The following DACH1 variants were observed in gnomAD, a reference collection of about 807,000 sequenced individuals.
DACH1 encodes the protein dachshund family transcription factor 1, also known as dachshund homolog 1.
A neutral mutation model predicts 54.2 loss-of-function variants in DACH1; 12 were observed. That is an observed-to-expected ratio of 0.22 (90% CI 0.14 to 0.36). DACH1 has a LOEUF of 0.36. Ranked by LOEUF, DACH1 falls within the 10% of genes least tolerant of loss-of-function variation. DACH1 has a pLI of 1.00. For synonymous variants in DACH1, 386 were observed against 366.2 expected, an observed-to-expected ratio of 1.05 and a Z score of -0.62; for missense variants, 805 against 929.8, an observed-to-expected ratio of 0.87 and a Z score of 1.75.
intron 1 of DACH1, among the ~76,000 whole-genome samples, chr13:71,842,865 G>A (rs768920963): frequency 3.3e-5 from 5 of 152,140 alleles, no homozygotes; most frequent in African/African-American, 4.8e-5. Flanking sequence ...CTATTCTTCT[G>A]ACTTGTCAAT....
At position 71,453,587 on chromosome 13, in the gene DACH1, A is replaced by C. The variant is rs193044662; in HGVS notation, c.2084-12895T>G. Among the ~76,000 whole-genome samples, 178 of 152,238 alleles carry C rather than the reference A, an allele frequency of 1.2e-3. 1 individual carries two copies. The highest frequency in any genetic ancestry group is 3.4e-3 in the African/African-American group (141 of 41,544). ...TTCTTCTAAGTTTGGAAGAAAAAAA[A>C]CTCATCATCTGGCTTTTAAAAGTTC... is the stretch of plus-strand genomic sequence containing the variant. On this transcript the variant is annotated intron_variant, in intron 10 of 10. Coordinates refer to ENST00000613252, the MANE Select transcript of DACH1 (RefSeq NM_080759.6).
At position 71,780,577 on chromosome 13, in the gene DACH1, C is replaced by T. The variant is rs74486149; in HGVS notation, c.848+85345G>A. 4.2e-3 allele frequency among the ~76,000 whole-genome samples: 639 copies of T among 151,114 alleles called. 1 individual carries two copies. Among genetic ancestry groups the T allele is most frequent in the African/African-American group, 0.015 (615 of 41,072 alleles). On this transcript the variant is annotated intron_variant, in intron 1 of 10. Transcript: ENST00000613252. The stretch of plus-strand genomic sequence containing the variant: ...AAAATCTACTCTTGAACCTGGGAGA[C>T]GGAGGTTGCAGTGAGCCAAGACTAC...
At chr13:71,479,887 T>C (rs572965954) in intron 7 of DACH1, among the ~76,000 whole-genome samples, 1 of 152,164 alleles carries the variant, frequency 6.6e-6, no homozygotes, top group Non-Finnish European at 1.5e-5. Flanking sequence ...GATCTTTGCA[T>C]GGCTCACACC....
intron 1 of DACH1, among the ~76,000 whole-genome samples, chr13:71,836,815 G>A (rs554788195): frequency 5.3e-4 from 81 of 151,884 alleles, no homozygotes; most frequent in African/African-American, 1.8e-3. Flanking sequence ...TATTTTTAAC[G>A]TAATTTGCTT....
intron 3 of DACH1, among the ~76,000 whole-genome samples, chr13:71,630,192 G>A (rs540965929): frequency 8.5e-5 from 13 of 152,142 alleles, no homozygotes; most frequent in Admixed American, 3.3e-4. Flanking sequence ...TGGATTAAAA[G>A]AATAAAAAAG....
chr13:71,464,534 CAAAG>C (rs1256756787), intron 10 of DACH1: 1 of 403,738 alleles, frequency 2.5e-6, no homozygotes, highest in South Asian at 1.9e-5. Flanking sequence ...TTAAATAAAA[CAAAG>C]AGATTTTTTG....
At chr13:71,618,052 T>C (rs1356211285) in intron 3 of DACH1, among the ~76,000 whole-genome samples, 1 of 152,124 alleles carries the variant, frequency 6.6e-6, no homozygotes, top group African/African-American at 2.4e-5. Context: ...TATTAATATA[T>C]CTAAAATGCA....
At chr13:71,499,435 G>A (rs887852343) in intron 6 of DACH1, among the ~76,000 whole-genome samples, 6 of 152,096 alleles carry the variant, frequency 3.9e-5, no homozygotes, top group African/African-American at 1.4e-4. Context: ...AGAGCACAAC[G>A]GAAACAATCA....
intron 6 of DACH1, among the ~76,000 whole-genome samples, chr13:71,548,570 A>T (rs1284181517): frequency 6.6e-6 from 1 of 152,188 alleles, no homozygotes; most frequent in East Asian, 1.9e-4. Flanking sequence ...TGTGCAAAAT[A>T]AAAACATCTT....
At chr13:71,488,684 C>T (rs1257842144) in intron 7 of DACH1, among the ~76,000 whole-genome samples, 1 of 151,474 alleles carries the variant, frequency 6.6e-6, no homozygotes, top group Non-Finnish European at 1.5e-5. Context: ...CAAACTTAAA[C>T]AGTTAAATTC....
At chr13:71,623,937 T>C (rs781267440) in intron 3 of DACH1, among the ~76,000 whole-genome samples, 2 of 151,856 alleles carry the variant, frequency 1.3e-5, no homozygotes, top group African/African-American at 2.4e-5. Context: ...AATTAGCCAT[T>C]TATCCTTTAG....
chr13:71,700,417 G>C (rs1248702927), intron 1 of DACH1, among the ~76,000 whole-genome samples: 1 of 151,818 alleles, frequency 6.6e-6, no homozygotes, highest in East Asian at 1.9e-4. Flanking sequence ...TTAGCCGGGG[G>C]TGGTGACGCA....
At chr13:71,618,159 T>A (rs550125838) in intron 3 of DACH1, among the ~76,000 whole-genome samples, 1 of 152,240 alleles carries the variant, frequency 6.6e-6, no homozygotes, top group South Asian at 2.1e-4. Flanking sequence ...CCCTTGCTCA[T>A]CCATAACTTT....
chr13:71,639,965 T>C (rs1365285535), intron 2 of DACH1, among the ~76,000 whole-genome samples: 3 of 152,064 alleles, frequency 2.0e-5, no homozygotes, highest in Admixed American at 1.3e-4. Flanking sequence ...CTTAAACTTA[T>C]AAAACTTGGG....
chr13:71,581,842 C>G (rs1872876718), intron 3 of DACH1, among the ~76,000 whole-genome samples: 1 of 151,894 alleles, frequency 6.6e-6, no homozygotes, highest in South Asian at 2.1e-4. Context: ...TCTGAATTCA[C>G]AATCCAAGCT....
chr13:71,837,517 G>A (rs984954645), intron 1 of DACH1, among the ~76,000 whole-genome samples: 2 of 152,124 alleles, frequency 1.3e-5, no homozygotes, highest in Non-Finnish European at 2.9e-5. Context: ...TAGGTAGAAG[G>A]TATAGATAGT....
intron 1 of DACH1, among the ~76,000 whole-genome samples, chr13:71,691,690 G>C (rs1181686804): frequency 6.6e-6 from 1 of 152,206 alleles, no homozygotes; most frequent in East Asian, 1.9e-4. Context: ...CACTGTAGCA[G>C]ATTTGCATGT....
intron 1 of DACH1, among the ~76,000 whole-genome samples, chr13:71,791,594 G>C (rs1886835641): frequency 6.6e-6 from 1 of 152,158 alleles, no homozygotes. Context: ...ATGTTGGCCA[G>C]AGTGGTCTCC....
Position 71,438,882 on chromosome 13 carries a change from T to A in DACH1, c.*1773A>T, listed in dbSNP as rs976831968. On this transcript the variant is annotated 3_prime_UTR_variant, in exon 11 of 11. Transcript: ENST00000613252. The stretch of plus-strand genomic sequence containing the variant: ...AATCATTTACTAGCAATACTTTAAA[T>A]AAAAATAATGCTCCCTTTGTAAGCA... 33 of 152,386 alleles carry A rather than the reference T, an allele frequency of 2.2e-4. No individual in the cohort carries two copies. The highest frequency in any genetic ancestry group is 3.2e-4 in the Non-Finnish European group (22 of 67,878). 9.4% of individuals were successfully genotyped at this position (152,386 alleles called of 1,614,324 possible).
Sources: gnomAD v4.1 joint callset for allele counts (sites outside exome capture counted in the v4.1 genomes callset) on GRCh38, gnomAD v4.1.1 for gene constraint, MANE v1.5 for transcripts, NCBI Gene and HGNC (gene_info 2026-07-23, HGNC 2026-07-21) for gene names.